Variants in SIRPB1 observed in about 807,000 individuals in gnomAD.
SIRPB1 encodes the protein signal-regulatory protein beta-1.
In SIRPB1, 28 loss-of-function variants were observed where a neutral mutation model predicts 34.1. The ratio of observed to expected loss-of-function variants is 0.82; its 90% confidence interval spans 0.61 to 1.12. SIRPB1 has a LOEUF of 1.12. SIRPB1 is among the 50% of genes most tolerant of loss of function. The probability of loss-of-function intolerance (pLI) is 0.00; values close to 1 mark genes in which losing one functional copy is unlikely to be tolerated. For missense variants in SIRPB1, 499 were observed against 507.0 expected, an observed-to-expected ratio of 0.98 and a Z score of 0.15; for synonymous variants, 211 against 203.8, an observed-to-expected ratio of 1.04 and a Z score of -0.30.
intron 3 of SIRPB1, 55 bp downstream of exon 3, chr20:1,571,665 G>A: frequency 6.2e-7 from 1 of 1,611,886 alleles, no homozygotes; most frequent in Non-Finnish European, 8.5e-7. Context: ...CTGGGGAGAG[G>A]GGAGTGGGCT....
At position 1,564,126 on chromosome 20, in the gene SIRPB1, A is replaced by G. The variant is rs1359092280; in HGVS notation, c.*1374T>C. On this transcript the variant is annotated 3_prime_UTR_variant, in exon 6 of 6. Transcript: ENST00000381605. ...ATTGTCCTCTACATTTGTAACTGAG[A>G]GTGTGAGAGTTTCTAATATTTTGAC... The G allele has an allele frequency of 1.3e-5, 2 of 152,152 alleles. No individual in the cohort carries two copies. Among genetic ancestry groups the G allele is most frequent in the Non-Finnish European group, 2.9e-5 (2 of 68,040 alleles). The allele number at this position is 152,152 out of a possible 1,614,324, so 9.4% of individuals were successfully genotyped here.
At chr20:1,598,880 C>T (rs1377387961) in intron 1 of SIRPB1, 1 of 579,438 alleles carries the variant, frequency 1.7e-6, no homozygotes, top group Non-Finnish European at 2.3e-6. Flanking sequence ...ACCAGCAGCA[C>T]CTTGGGGCCC....
In SIRPB1 at chr20:1,586,826, CA is replaced by C. The variant is rs1212944337; in HGVS notation, c.77-8133del. ...CCCAGGTGCCAAAAAGATTGGGGAC[CA>C]CTGCACACGTGTGTGTGCGTGTGTG... On this transcript the variant is annotated intron_variant, in intron 1 of 5. Coordinates refer to ENST00000381605, the MANE Select transcript of SIRPB1 (RefSeq NM_006065.5). Among the ~76,000 whole-genome samples the C allele has an allele frequency of 7.7e-4, 37 of 47,962 alleles. 18 individuals carry two copies. The highest frequency in any genetic ancestry group is 1.3e-3 in the Non-Finnish European group (33 of 24,806). The allele number at this position is 47,962 out of a possible 152,430, so 31.5% of individuals were successfully genotyped here.
chr20:1,572,313 C>T (rs1196346922), intron 2 of SIRPB1, among the ~76,000 whole-genome samples: 1 of 152,078 alleles, frequency 6.6e-6, no homozygotes, highest in Non-Finnish European at 1.5e-5. Flanking sequence ...TTCCACCAAT[C>T]TGGGCATAGG....
At chr20:1,614,887 A>G (rs1225800543) in intron 1 of SIRPB1, among the ~76,000 whole-genome samples, 3 of 152,132 alleles carry the variant, frequency 2.0e-5, no homozygotes, top group Admixed American at 1.3e-4. Flanking sequence ...TTCTTGTGCT[A>G]TGCTATGTAC....
chr20:1,619,603 C>T (rs2091678420), intron 1 of SIRPB1, among the ~76,000 whole-genome samples: 1 of 152,176 alleles, frequency 6.6e-6, no homozygotes, highest in Non-Finnish European at 1.5e-5. Context: ...GATAATGATT[C>T]TTCTCTGCTT....
Position 1,578,662 on chromosome 20 carries a change from G to A in SIRPB1, c.109C>T (p.Gln37Ter). The A allele has an allele frequency of 6.3e-7, 1 of 1,584,008 alleles. No homozygotes were observed. The highest frequency in any genetic ancestry group is 8.6e-7 in the Non-Finnish European group (1 of 1,157,474). Residue 37 changes from glutamine to a stop codon, truncating the protein, a stop_gained, in exon 2 of 6, where the codon CAG becomes TAG. Coordinates refer to ENST00000381605, the MANE Select transcript of SIRPB1 (RefSeq NM_006065.5). LOFTEE classifies it high-confidence loss of function. Reference protein sequence around the residue: ...VAGEDELQVIQPEKSVSVAAG... With the variant: ...VAGEDELQVI ...GCAACTGATACGGACTTTTCAGGCT[G>A]AATCACCTGTAGCTCGTCCTCACCT... is the stretch of plus-strand genomic sequence containing the variant.
In SIRPB1 at chr20:1,561,436, C is replaced by T. The variant is rs2091082791; in HGVS notation, c.*4064G>A. On this transcript the variant is annotated 3_prime_UTR_variant, in exon 6 of 6. Transcript: ENST00000381605. ...TAGATCTTTTCTTTTTACCTAATGT[C>T]GTTTTTCTCTTCCAGCATCCCATCC... Among the ~76,000 whole-genome samples the T allele has an allele frequency of 2.0e-5, 3 of 152,050 alleles. No homozygotes were observed. The highest frequency in any genetic ancestry group is 2.1e-4 in the South Asian group (1 of 4,820).
intron 4 of SIRPB1, among the ~76,000 whole-genome samples, chr20:1,566,962 C>T (rs567241630): frequency 6.6e-6 from 1 of 152,180 alleles, no homozygotes; most frequent in African/African-American, 2.4e-5. Context: ...CCTACCTCAA[C>T]CCCAGTGCAG....
rs1320613672 is a variant in SIRPB1 at position 1,578,601 on chromosome 20, G to C, written c.170C>G (p.Thr57Arg). 10 of 1,584,100 alleles carry C rather than the reference G, an allele frequency of 6.3e-6. 2 individuals carry two copies. The highest frequency in any genetic ancestry group is 7.8e-6 in the Non-Finnish European group (9 of 1,157,618). ...GESATLRCAM[T>R]SLIPVGPIMW... The stretch of plus-strand genomic sequence containing the variant: ...GATGGGCCCCACAGGGATCAGGGAC[G>C]TCATAGCACAGCGCAGAGTGGCCGA... The change falls in exon 2 of 6, where the codon ACG becomes AGG. Residue 57 changes from threonine (T) to arginine (R), a missense_variant. Physicochemically the swap from Thr to Arg is moderately conservative, Grantham distance 71. Coordinates refer to ENST00000381605, the MANE Select transcript of SIRPB1 (RefSeq NM_006065.5).
At position 1,592,074 on chromosome 20, in the gene SIRPB1, A is replaced by G. The variant is rs2070357048; in HGVS notation, c.77-13380T>C. 8.0e-5 allele frequency among the ~76,000 whole-genome samples: 4 copies of G among 49,698 alleles called. 2 individuals carry two copies. The South Asian group carries it at 2.9e-3, about 36-fold the overall frequency. 32.6% of individuals were successfully genotyped at this position (49,698 alleles called of 152,430 possible). On this transcript the variant is annotated intron_variant, in intron 1 of 5. Coordinates refer to ENST00000381605, the MANE Select transcript of SIRPB1 (RefSeq NM_006065.5). Reference sequence around the variant, plus strand: ...CCTTGTTTCCCCTTCACCTTCTGCCATGATTGTAAGTTTCCTCAGGCCTCC... The same window carrying G: ...CCTTGTTTCCCCTTCACCTTCTGCCGTGATTGTAAGTTTCCTCAGGCCTCC...
Position 1,593,115 on chromosome 20 carries a change from C to T in SIRPB1, c.77-14421G>A, listed in dbSNP as rs192650290. ...TTAGACATACATAAATGAGTAAAAA[C>T]GAAATTTAGGGAATTGGTATTAGTT... is the stretch of plus-strand genomic sequence containing the variant. On this transcript the variant is annotated intron_variant, in intron 1 of 5. Transcript: ENST00000381605. Among the ~76,000 whole-genome samples the T allele has an allele frequency of 8.2e-5, 4 of 48,994 alleles. 2 individuals carry two copies. The highest frequency in any genetic ancestry group is 2.7e-4 in the Admixed American group (2 of 7,364). The allele number at this position is 48,994 out of a possible 152,430, so 32.1% of individuals were successfully genotyped here.
intron 1 of SIRPB1, among the ~76,000 whole-genome samples, chr20:1,616,374 T>A (rs1008177590): frequency 6.6e-6 from 1 of 152,136 alleles, no homozygotes; most frequent in Non-Finnish European, 1.5e-5. Context: ...CATAGACAAA[T>A]GGATCAGACC....
rs2091110118 is a variant in SIRPB1, at chr20:1,565,109, C to A, written c.*391G>T. On this transcript the variant is annotated 3_prime_UTR_variant, in exon 6 of 6. Transcript: ENST00000381605. ...GTGTATTCAGGAGGCAGTAGAGAAC[C>A]TCAACAAGGCTGGGGGAGTTGGGGT... The A allele has an allele frequency of 7.5e-6, 3 of 398,350 alleles. No homozygotes were observed. Among genetic ancestry groups the A allele is most frequent in the Admixed American group, 4.4e-5 (1 of 22,716 alleles). 24.7% of individuals were successfully genotyped at this position (398,350 alleles called of 1,614,324 possible).
At position 1,598,367 on chromosome 20, in the gene SIRPB1, C is replaced by T. The variant is rs2091464261; in HGVS notation, c.77-19673G>A. 10 of 366,352 alleles carry T rather than the reference C, an allele frequency of 2.7e-5. 4 individuals are homozygous for T. The Admixed American group carries it at 6.6e-4, about 24-fold the overall frequency. 22.7% of individuals were successfully genotyped at this position (366,352 alleles called of 1,614,324 possible). A position where few individuals can be genotyped will look rare whatever the true frequency, so the allele number is the denominator to read the frequency against. ...AGTCTTGATGCCTCTCTCCTCATTG[C>T]TTCCACTCAGGCACACAGAGGGTCA... is the stretch of plus-strand genomic sequence containing the variant. On this transcript the variant is annotated intron_variant, in intron 1 of 5. Coordinates refer to ENST00000381605, the MANE Select transcript of SIRPB1 (RefSeq NM_006065.5).
intron 4 of SIRPB1, 70 bp downstream of exon 4, chr20:1,570,735 A>T: frequency 8.1e-7 from 1 of 1,233,512 alleles, no homozygotes; most frequent in Non-Finnish European, 1.1e-6. Flanking sequence ...AGCTTATTTT[A>T]TGACAAGCAT....
rs1424225506 is a variant in SIRPB1, at chr20:1,582,338, TG to T, written c.77-3645del. On this transcript the variant is annotated intron_variant, in intron 1 of 5. Coordinates refer to ENST00000381605, the MANE Select transcript of SIRPB1 (RefSeq NM_006065.5). ...TCCAGATTTGAAGATAATACCCTCC[TG>T]TTTCAATCATTAACCATAAATTGCC... Among the ~76,000 whole-genome samples the T allele has an allele frequency of 4.1e-5, 2 of 49,206 alleles. 1 individual carries two copies. Among genetic ancestry groups the T allele is most frequent in the Non-Finnish European group, 7.8e-5 (2 of 25,530 alleles). 32.3% of individuals were successfully genotyped at this position (49,206 alleles called of 152,430 possible).
At chr20:1,619,668 G>A (rs1445930846) in intron 1 of SIRPB1, among the ~76,000 whole-genome samples, 3 of 152,146 alleles carry the variant, frequency 2.0e-5, no homozygotes, top group Admixed American at 1.3e-4. Flanking sequence ...TGGTTGAATC[G>A]TCCTGTGGTT....
rs1024789043 is a variant in SIRPB1 at position 1,574,931 on chromosome 20, T to C, written c.434-2894A>G. On this transcript the variant is annotated intron_variant, in intron 2 of 5. Coordinates refer to ENST00000381605, the MANE Select transcript of SIRPB1 (RefSeq NM_006065.5). ...GTTCTGCAGAAGCTCAGTAATAACC[T>C]GAATGACACCACCATTAGGGGCTCT... is the stretch of plus-strand genomic sequence containing the variant. Among the ~76,000 whole-genome samples, 36 of 44,454 alleles carry C rather than the reference T, an allele frequency of 8.1e-4. 2 individuals are homozygous for C. The highest frequency in any genetic ancestry group is 4.6e-3 in the African/African-American group (35 of 7,616). 29.2% of individuals were successfully genotyped at this position (44,454 alleles called of 152,430 possible).
Sources: gnomAD v4.1 joint callset for allele counts (sites outside exome capture counted in the v4.1 genomes callset) on GRCh38, gnomAD v4.1.1 for gene constraint, MANE v1.5 for transcripts, NCBI Gene and HGNC (gene_info 2026-07-23, HGNC 2026-07-21) for gene names.